Variants in TLE1 observed in about 807,000 individuals in gnomAD.
TLE1 encodes transducin-like enhancer protein 1.
TLE1 carries 21 observed loss-of-function variants against 89.8 expected under a neutral mutation model. The observed-to-expected ratio is 0.23, with a 90% CI of 0.17 to 0.34. The LOEUF is 0.34. TLE1 is among the 10% of genes least tolerant of loss of function. The pLI is 1.00. For synonymous variants in TLE1, 447 were observed against 407.6 expected (o/e 1.10, Z -1.16); for missense variants, 795 against 1,031.2 (o/e 0.77, Z 3.14).
intron 9 of TLE1, among the ~76,000 whole-genome samples, chr9:81,617,550 A>C (rs1023336691): frequency 6.6e-6 from 1 of 151,966 alleles, no homozygotes; most frequent in Non-Finnish European, 1.5e-5. Flanking sequence ...AAAAATACAA[A>C]AATTAGCCGG....
intron 6 of TLE1, among the ~76,000 whole-genome samples, chr9:81,637,644 CTTTT>C (rs11375860): frequency 1.4e-5 from 2 of 138,706 alleles, no homozygotes; most frequent in African/African-American, 5.4e-5. Context: ...ATGAAAGTTT[CTTTT>C]TTTTTTTTTT....
Position 81,629,861 on chromosome 9 carries a change from T to TG in TLE1, c.594+3486dup, listed in dbSNP as rs1588037633. ...CATCATATATGCAATCCACTGTTGA[T>TG]GGAAGTGTTGTTATGCAGTGCACTG... On this transcript the variant is annotated intron_variant, in intron 8 of 19. Transcript: ENST00000376499. Among the ~76,000 whole-genome samples, 3 of 152,362 alleles carry TG rather than the reference T, an allele frequency of 2.0e-5. No individual in the cohort carries two copies. In the East Asian group the frequency reaches 5.8e-4, roughly 29 times the overall value.
chr9:81,670,893 G>A (rs1832140093), intron 4 of TLE1, among the ~76,000 whole-genome samples: 1 of 152,090 alleles, frequency 6.6e-6, no homozygotes, highest in South Asian at 2.1e-4. Context: ...GATGGGCTGG[G>A]TGCCGTGGCT....
At chr9:81,660,590 G>T (rs984706870) in intron 4 of TLE1, among the ~76,000 whole-genome samples, 1 of 149,946 alleles carries the variant, frequency 6.7e-6, no homozygotes, top group African/African-American at 2.4e-5. Flanking sequence ...ATTTTTTTTT[G>T]TATTTTTAGT....
intron 4 of TLE1, among the ~76,000 whole-genome samples, chr9:81,656,413 G>T (rs957958809): frequency 1.3e-5 from 2 of 152,100 alleles, no homozygotes; most frequent in African/African-American, 2.4e-5. Flanking sequence ...TCCTCTTCTC[G>T]GAAATTCACA....
intron 4 of TLE1, among the ~76,000 whole-genome samples, chr9:81,654,648 C>T (rs1230650049): frequency 1.3e-5 from 2 of 152,110 alleles, no homozygotes; most frequent in Non-Finnish European, 2.9e-5. Flanking sequence ...GCCAAGTGTA[C>T]TTTTTCAATG....
At position 81,688,494 on chromosome 9, in the gene TLE1, C is replaced by G. The variant is rs796790093; in HGVS notation, c.-254G>C. 1 of 400,022 alleles carries G rather than the reference C, an allele frequency of 2.5e-6. No homozygotes were observed. Among genetic ancestry groups the G allele is most frequent in the East Asian group, 4.1e-5 (1 of 24,568 alleles). 24.8% of individuals were successfully genotyped at this position (400,022 alleles called of 1,614,324 possible). Reference sequence around the variant, plus strand: ...GCCCCAGGCCCAGCTGCTTCAAGAACCTGCGCGGAGACGTCGGGCGCTCGG... The same window carrying G: ...GCCCCAGGCCCAGCTGCTTCAAGAAGCTGCGCGGAGACGTCGGGCGCTCGG... On this transcript the variant is annotated 5_prime_UTR_variant, in exon 1 of 20. Coordinates refer to ENST00000376499, the MANE Select transcript of TLE1 (RefSeq NM_005077.5).
intron 4 of TLE1, among the ~76,000 whole-genome samples, chr9:81,667,297 G>GA (rs1296743468): frequency 7.3e-5 from 11 of 149,804 alleles, no homozygotes; most frequent in African/African-American, 2.7e-4. Flanking sequence ...TCAGAAGGCT[G>GA]AGGTACAAGA....
At chr9:81,658,808 T>C in intron 4 of TLE1, among the ~76,000 whole-genome samples, 1 of 152,212 alleles carries the variant, frequency 6.6e-6, no homozygotes, top group East Asian at 1.9e-4. Context: ...TTCTTAGTAT[T>C]ATCTCTTGCT....
intron 14 of TLE1, chr9:81,600,230 T>C: frequency 1.6e-6 from 1 of 629,064 alleles, no homozygotes; most frequent in Non-Finnish European, 2.9e-6. Flanking sequence ...AAAGGAACTA[T>C]CACTACAGAC....
intron 8 of TLE1, 27 bp downstream of exon 8, chr9:81,633,310 TGTGTGTGTGTG>T: frequency 6.2e-7 from 1 of 1,608,522 alleles, no homozygotes; most frequent in Non-Finnish European, 8.5e-7. Flanking sequence ...TGTGTGTGTG[TGTGTGTGTGTG>T]TGTGCAGCAG....
chr9:81,631,787 C>T (rs1826646285), intron 8 of TLE1, among the ~76,000 whole-genome samples: 1 of 152,214 alleles, frequency 6.6e-6, no homozygotes, highest in African/African-American at 2.4e-5. Flanking sequence ...TTAAATTTGA[C>T]ACTCTACTGA....
At chr9:81,685,942 G>T in intron 2 of TLE1, 46 bp from the exon 3 acceptor site, 1 of 1,598,018 alleles carries the variant, frequency 6.3e-7, no homozygotes, top group South Asian at 1.1e-5. Flanking sequence ...TATGTCACTT[G>T]TTTTAACATC....
chr9:81,649,981 C>G lies in TLE1; in HGVS notation c.372+2233G>C, dbSNP rs186055113. ...TTCGGACATAAATTCATATACTAATCCAAAAATTACAATGATAAAAACCGC... is the reference window on the plus strand; with the variant it reads ...TTCGGACATAAATTCATATACTAATGCAAAAATTACAATGATAAAAACCGC... On this transcript the variant is annotated intron_variant, in intron 6 of 19. Transcript: ENST00000376499. 2.6e-5 allele frequency among the ~76,000 whole-genome samples: 4 copies of G among 152,212 alleles called. No individual in the cohort carries two copies. In the East Asian group the frequency reaches 7.7e-4, roughly 29 times the overall value.
At position 81,620,923 on chromosome 9, in the gene TLE1, T is replaced by C. The variant is rs771631477; in HGVS notation, c.595-366A>G. ...AATACGAATGGCCTATGAGCAAATC[T>C]TGAGATTACTCTATTAGACATATTC... On this transcript the variant is annotated intron_variant, in intron 8 of 19. Transcript: ENST00000376499. 3 of 530,746 alleles carry C rather than the reference T, an allele frequency of 5.7e-6. No individual in the cohort carries two copies. The East Asian group carries it at 1.6e-4, about 28-fold the overall frequency. 32.9% of individuals were successfully genotyped at this position (530,746 alleles called of 1,614,324 possible).
At chr9:81,633,317 G>C (rs1367436250) in intron 8 of TLE1, 31 bp downstream of exon 8, 2 of 1,453,964 alleles carry the variant, frequency 1.4e-6, no homozygotes, top group Non-Finnish European at 1.8e-6. Flanking sequence ...GTGTGTGTGT[G>C]TGTGTGTGCA....
intron 14 of TLE1, among the ~76,000 whole-genome samples, chr9:81,608,441 G>A (rs1342243267): frequency 6.6e-6 from 1 of 152,126 alleles, no homozygotes; most frequent in East Asian, 1.9e-4. Context: ...TGGAGCCTAG[G>A]AGGTCGAGGC....
At chr9:81,669,121 G>GA (rs899699670) in intron 4 of TLE1, among the ~76,000 whole-genome samples, 22 of 152,242 alleles carry the variant, frequency 1.4e-4, no homozygotes, top group African/African-American at 3.6e-4. Flanking sequence ...TGGAAGAACA[G>GA]AAAAGACTTC....
At chr9:81,610,410 G>C in intron 13 of TLE1, 114 bp from the exon 14 acceptor site, 1 of 761,308 alleles carries the variant, frequency 1.3e-6, no homozygotes, top group East Asian at 2.7e-5. Context: ...AATGGGAACA[G>C]TAACATGGCC....
Sources: gnomAD v4.1 joint callset for allele counts (sites outside exome capture counted in the v4.1 genomes callset) on GRCh38, gnomAD v4.1.1 for gene constraint, MANE v1.5 for transcripts, NCBI Gene and HGNC (gene_info 2026-07-23, HGNC 2026-07-21) for gene names.